OSBPL9: variants seen among roughly 807,000 people sequenced by gnomAD.
The protein encoded by OSBPL9 is oxysterol-binding protein-related protein 9.
Under a neutral mutation model 106.6 loss-of-function variants are expected in OSBPL9, and 40 were observed. The observed-to-expected ratio is 0.38, with a 90% CI of 0.29 to 0.49. The LOEUF (loss-of-function observed/expected upper bound fraction) is 0.49. Among genes scored for constraint, OSBPL9 ranks in the 20% least tolerant of loss-of-function variants. The pLI, the probability that OSBPL9 is intolerant of heterozygous loss-of-function variation, is 0.97. For synonymous variants in OSBPL9, 269 were observed against 295.4 expected (o/e 0.91, Z 0.92); for missense variants, 609 against 887.2 (o/e 0.69, Z 3.98).
At chr1:51,691,591 C>T (rs1654981397) in intron 3 of OSBPL9, among the ~76,000 whole-genome samples, 1 of 151,968 alleles carries the variant, frequency 6.6e-6, no homozygotes, top group African/African-American at 2.4e-5. Flanking sequence ...CAGCCATTAG[C>T]TTGCTGTAAC....
intron 1 of OSBPL9, among the ~76,000 whole-genome samples, chr1:51,582,030 A>G (rs761379363): frequency 1.2e-4 from 19 of 152,226 alleles, no homozygotes; most frequent in African/African-American, 4.6e-4. Flanking sequence ...ATTATAAACC[A>G]TGATATGGGC....
At chr1:51,781,110 ATCTTG>A in intron 15 of OSBPL9, 49 bp from the exon 16 acceptor site, 1 of 1,565,258 alleles carries the variant, frequency 6.4e-7, no homozygotes, top group Non-Finnish European at 8.8e-7. Context: ...TTGTTGCATC[ATCTTG>A]TCTTGTACCA....
intron 3 of OSBPL9, among the ~76,000 whole-genome samples, chr1:51,679,562 T>C (rs1258355795): frequency 6.6e-6 from 1 of 152,240 alleles, no homozygotes; most frequent in African/African-American, 2.4e-5. Flanking sequence ...TGTGGTCAGC[T>C]GTGGTCTGAA....
intron 3 of OSBPL9, among the ~76,000 whole-genome samples, chr1:51,690,905 C>T (rs1396121745): frequency 6.6e-6 from 1 of 152,192 alleles, no homozygotes; most frequent in East Asian, 1.9e-4. Context: ...TAATGTACAC[C>T]TAAGCTACAT....
At chr1:51,574,347 C>T (rs1040933087), upstream of OSBPL9, among the ~76,000 whole-genome samples, 26 of 152,278 alleles carry the variant, frequency 1.7e-4, no homozygotes, top group African/African-American at 6.0e-4. Context: ...AGGCCGGGCG[C>T]GGTGGCTCAT....
intron 12 of OSBPL9, among the ~76,000 whole-genome samples, chr1:51,768,359 G>A (rs1673096288): frequency 6.6e-6 from 1 of 150,898 alleles, no homozygotes; most frequent in East Asian, 1.9e-4. Flanking sequence ...GATTACAGGT[G>A]CCCACCACCA....
chr1:51,788,776 T>C lies in OSBPL9; in HGVS notation c.*987T>C, dbSNP rs371388797. Among the ~76,000 whole-genome samples, 4 of 151,686 alleles carry C rather than the reference T, an allele frequency of 2.6e-5. No individual in the cohort carries two copies. The highest frequency in any genetic ancestry group is 1.3e-4 in the Admixed American group (2 of 15,252). On this transcript the variant is annotated 3_prime_UTR_variant, in exon 24 of 24. Coordinates refer to ENST00000428468, the MANE Select transcript of OSBPL9 (RefSeq NM_024586.6). ...CCCACAGTGAACAAAAATAGATAGA[T>C]AGATAGAATAAAATGAATGCCACAG... is the stretch of plus-strand genomic sequence containing the variant.
chr1:51,645,478 T>G (rs571177444), intron 1 of OSBPL9, among the ~76,000 whole-genome samples: 172 of 152,076 alleles, frequency 1.1e-3, no homozygotes, highest in African/African-American at 3.7e-3. Flanking sequence ...TTTTTGTTTG[T>G]TTGGTTGGTT....
At chr1:51,668,224 T>C (rs1185535647) in intron 2 of OSBPL9, among the ~76,000 whole-genome samples, 1 of 152,198 alleles carries the variant, frequency 6.6e-6, no homozygotes, top group Non-Finnish European at 1.5e-5. Context: ...ATACTTAAGA[T>C]ACTTTTTTCT....
Position 51,729,707 on chromosome 1 carries a change from C to A in OSBPL9, c.318+15628C>A. The stretch of plus-strand genomic sequence containing the variant: ...ATCGTCTGCCTCTCACCTCCTACAG[C>A]AGGTGACCCATGGCCAATCGCCAGG... On this transcript the variant is annotated intron_variant, in intron 4 of 23. Transcript: ENST00000428468. The surrounding 1 kb of genome is among the most constrained non-coding windows in gnomAD (Gnocchi z 5.1). 1.5e-6 allele frequency: 1 copy of A among 663,898 alleles called. No individual in the cohort carries two copies. The highest frequency in any genetic ancestry group is 2.1e-6 in the Non-Finnish European group (1 of 474,356). The allele number at this position is 663,898 out of a possible 1,614,324, so 41.1% of individuals were successfully genotyped here.
chr1:51,525,299 A>G, the OSBPL9 span, among the ~76,000 whole-genome samples: 1 of 152,200 alleles, frequency 6.6e-6, no homozygotes, highest in Non-Finnish European at 1.5e-5. Flanking sequence ...GGAAAGTTAA[A>G]TTATGTAACT....
rs1266868398 is a variant in OSBPL9, at chr1:51,745,631, G to C, written c.414G>C (p.Lys138Asn). The C allele has an allele frequency of 6.4e-7, 1 of 1,567,690 alleles. No individual in the cohort carries two copies. The highest frequency in any genetic ancestry group is 2.3e-5 in the East Asian group (1 of 43,906). The change falls in exon 5 of 24, where the codon AAG becomes AAC. Residue 138 changes from lysine (K) to asparagine (N), a missense_variant and splice_region_variant. Physicochemically the swap from Lys to Asn is moderately conservative, Grantham distance 94. Around this residue, in one of 5 missense-constraint regions of OSBPL9, gnomAD observed 356 missense variants for 505.8 expected, o/e 0.70. Transcript: ENST00000428468. ...AYLQILIEQLKLFDDKLQNCK... is the reference protein window; with the variant it reads ...AYLQILIEQLNLFDDKLQNCK... The stretch of plus-strand genomic sequence containing the variant: ...TACAAATCTTGATTGAACAATTAAA[G>C]GTATGGCATTAGTTTGTATATTAAA...
Position 51,753,316 on chromosome 1 carries a change from A to G in OSBPL9, c.544-3004A>G, listed in dbSNP as rs1401087461. Among the ~76,000 whole-genome samples the G allele has an allele frequency of 3.3e-5, 5 of 152,210 alleles. No homozygotes were observed. The South Asian group carries it at 6.2e-4, about 19-fold the overall frequency. On this transcript the variant is annotated intron_variant, in intron 8 of 23. Coordinates refer to ENST00000428468, the MANE Select transcript of OSBPL9 (RefSeq NM_024586.6). ...CTTTCTGTGCTTTGGTTTATATTCC[A>G]TATACAAGAGGGATAATAGTAATGT...
intron 1 of OSBPL9, among the ~76,000 whole-genome samples, chr1:51,646,423 C>G (rs1646156691): frequency 6.6e-6 from 1 of 152,090 alleles, no homozygotes; most frequent in Non-Finnish European, 1.5e-5. Flanking sequence ...TTTTTTAAAT[C>G]TGAAAGTATA....
the OSBPL9 span, among the ~76,000 whole-genome samples, chr1:51,529,032 T>C: frequency 1.3e-5 from 2 of 152,220 alleles, no homozygotes; most frequent in Non-Finnish European, 2.9e-5. Context: ...AGACTTCTTA[T>C]GTTCATGAAT....
At chr1:51,610,830 G>A (rs1365491134) in intron 2 of OSBPL9, among the ~76,000 whole-genome samples, 3 of 152,188 alleles carry the variant, frequency 2.0e-5, no homozygotes, top group East Asian at 1.9e-4. Flanking sequence ...TGTTGTCTAC[G>A]TGAGGCACTG....
At chr1:51,620,796 G>T (rs527630594) in intron 1 of OSBPL9, among the ~76,000 whole-genome samples, 15 of 152,088 alleles carry the variant, frequency 9.9e-5, no homozygotes, top group Non-Finnish European at 2.1e-4. Flanking sequence ...CTATTTCAGT[G>T]TTGTAAGCAC....
At chr1:51,707,685 G>A (rs868445953) in intron 3 of OSBPL9, 2 of 204,502 alleles carry the variant, frequency 9.8e-6, no homozygotes, top group Middle Eastern at 2.3e-3. Flanking sequence ...TGATCAATTG[G>A]TGGTGCAGGA....
intron 8 of OSBPL9, among the ~76,000 whole-genome samples, chr1:51,751,506 A>G (rs1468980648): frequency 6.6e-6 from 1 of 152,022 alleles, no homozygotes; most frequent in Non-Finnish European, 1.5e-5. Context: ...AGCAGAAGGA[A>G]AGATAGGATT....
Sources: allele counts gnomAD v4.1 joint callset (sites outside exome capture counted in the v4.1 genomes callset), GRCh38; gene constraint gnomAD v4.1.1; regional missense constraint gnomAD v4.1.1; non-coding constraint Gnocchi (gnomAD v3.1); transcripts MANE v1.5; gene names NCBI Gene and HGNC (gene_info 2026-07-23, HGNC 2026-07-21).